Variants in DPP6 observed in about 807,000 individuals in gnomAD.
DPP6 encodes the protein dipeptidyl peptidase like 6, also known as A-type potassium channel modulatory protein DPP6.
A neutral mutation model predicts 122.6 loss-of-function variants in DPP6; 69 were observed. That is an observed-to-expected ratio of 0.56 (90% confidence interval 0.46 to 0.69). The LOEUF is 0.69. Among genes scored for constraint, DPP6 ranks in the 30% least tolerant of loss-of-function variants. The pLI is 0.00. For synonymous variants in DPP6, 418 were observed against 433.1 expected (o/e 0.97, Z 0.43); for missense variants, 928 against 1,116.9 (o/e 0.83, Z 2.41).
chr7:154,885,602 C>T, intron 21 of DPP6, 31 bp from the exon 22 acceptor site: 3 of 1,552,740 alleles, frequency 1.9e-6, no homozygotes, highest in Non-Finnish European at 2.6e-6. Context: ...TGCCAGGACT[C>T]CTAACTGTCT....
chr7:154,669,290 A>C, intron 6 of DPP6, 70 bp from the exon 7 acceptor site: 1 of 1,551,024 alleles, frequency 6.4e-7, no homozygotes, highest in South Asian at 1.2e-5. Context: ...GTAGGGGATA[A>C]AATTGCAGCA....
intron 1 of DPP6, among the ~76,000 whole-genome samples, chr7:154,082,301 G>C (rs1215960620): frequency 1.3e-5 from 2 of 152,172 alleles, no homozygotes; most frequent in African/African-American, 2.4e-5. Flanking sequence ...CAGAGCCATT[G>C]TATCATAGGG....
intron 1 of DPP6, chr7:154,305,336 A>AGGCCCCC: frequency 8.3e-6 from 3 of 362,178 alleles, no homozygotes; most frequent in Non-Finnish European, 1.2e-5. Context: ...CGTCTTGTCT[A>AGGCCCCC]CCCACCCTCC....
chr7:154,179,755 A>G (rs1797981119), intron 1 of DPP6, among the ~76,000 whole-genome samples: 1 of 152,208 alleles, frequency 6.6e-6, no homozygotes, highest in African/African-American at 2.4e-5. Context: ...TGAAGTTGTT[A>G]ATTTTCAGTG....
intron 5 of DPP6, among the ~76,000 whole-genome samples, chr7:154,576,811 G>A (rs1831711812): frequency 6.6e-6 from 1 of 152,172 alleles, no homozygotes; most frequent in Admixed American, 6.5e-5. Flanking sequence ...CTGGGGCTAG[G>A]AATTTGGCAA....
chr7:154,029,235 A>C (rs1366299394), intron 1 of DPP6, among the ~76,000 whole-genome samples: 1 of 150,144 alleles, frequency 6.7e-6, no homozygotes, highest in Admixed American at 6.7e-5. Context: ...GTCTTATGTC[A>C]GCTGGGCACA....
At chr7:154,847,538 A>T (rs373195593) in intron 16 of DPP6, among the ~76,000 whole-genome samples, 9 of 151,898 alleles carry the variant, frequency 5.9e-5, no homozygotes, top group Middle Eastern at 3.2e-3. Flanking sequence ...TTTCATTTTT[A>T]TTCATCATTA....
intron 1 of DPP6, among the ~76,000 whole-genome samples, chr7:153,903,592 A>G (rs1343524164): frequency 2.0e-5 from 3 of 152,206 alleles, no homozygotes; most frequent in Non-Finnish European, 4.4e-5. Flanking sequence ...GACAACAAGG[A>G]TACTCTTCAA....
intron 1 of DPP6, among the ~76,000 whole-genome samples, chr7:154,349,296 C>T (rs1015093298): frequency 6.6e-6 from 1 of 152,240 alleles, no homozygotes; most frequent in Non-Finnish European, 1.5e-5. Flanking sequence ...CTGCCTCAGC[C>T]TCCCAAGTAG....
chr7:154,055,834 T>C (rs1445703299), intron 1 of DPP6: 2 of 152,236 alleles, frequency 1.3e-5, no homozygotes, highest in African/African-American at 2.4e-5. Flanking sequence ...TGTTCCAAGG[T>C]ACAGAAACAG....
At chr7:154,502,605 C>T (rs370299632) in intron 3 of DPP6, among the ~76,000 whole-genome samples, 3 of 152,258 alleles carry the variant, frequency 2.0e-5, no homozygotes, top group African/African-American at 7.2e-5. Context: ...ACTGTGAGGC[C>T]TCCCCAGCCA....
chr7:154,127,486 A>G (rs1376700850), intron 1 of DPP6, among the ~76,000 whole-genome samples: 3 of 152,084 alleles, frequency 2.0e-5, no homozygotes, highest in East Asian at 3.9e-4. Context: ...CTTGCTGTAC[A>G]CGAGCTGTGC....
chr7:153,885,073 A>G (rs1279617028), upstream of DPP6, among the ~76,000 whole-genome samples: 1 of 140,440 alleles, frequency 7.1e-6, no homozygotes, highest in Non-Finnish European at 1.5e-5. Context: ...TGGGATGGGA[A>G]AAGGCAGGTT....
intron 1 of DPP6, among the ~76,000 whole-genome samples, chr7:154,410,903 C>T (rs1334266851): frequency 6.6e-6 from 1 of 152,112 alleles, no homozygotes; most frequent in Non-Finnish European, 1.5e-5. Flanking sequence ...GAAAAAAGTA[C>T]AGTTTGGTTC....
the DPP6 span, among the ~76,000 whole-genome samples, chr7:153,855,123 G>T: frequency 1.4e-5 from 2 of 143,266 alleles, no homozygotes; most frequent in Non-Finnish European, 3.0e-5. Context: ...AGCATTGGGA[G>T]ATATACCTAA....
At chr7:154,692,952 C>T (rs140979362) in intron 7 of DPP6, among the ~76,000 whole-genome samples, 3 of 151,486 alleles carry the variant, frequency 2.0e-5, no homozygotes, top group African/African-American at 4.8e-5. Context: ...CCACTACACC[C>T]GGCTAATTTT....
intron 3 of DPP6, among the ~76,000 whole-genome samples, chr7:154,518,085 G>A (rs949414403): frequency 1.3e-5 from 2 of 152,108 alleles, no homozygotes; most frequent in South Asian, 2.1e-4. Flanking sequence ...TCCTTCACTC[G>A]TAAAAACAAT....
At chr7:154,794,562 T>G (rs1797899774) in intron 11 of DPP6, among the ~76,000 whole-genome samples, 1 of 152,184 alleles carries the variant, frequency 6.6e-6, no homozygotes, top group African/African-American at 2.4e-5. Flanking sequence ...GGAGGGGCCC[T>G]GCCTTTCCCC....
chr7:154,443,067 A>G (rs1234435207), intron 1 of DPP6, among the ~76,000 whole-genome samples: 1 of 152,102 alleles, frequency 6.6e-6, no homozygotes, highest in Non-Finnish European at 1.5e-5. Context: ...CACTCCTCAG[A>G]ACAGTCACCT....
Sources: allele counts gnomAD v4.1 joint callset (sites outside exome capture counted in the v4.1 genomes callset), GRCh38; gene constraint gnomAD v4.1.1; transcripts MANE v1.5; gene names NCBI Gene and HGNC (gene_info 2026-07-23, HGNC 2026-07-21).